The following DMXL1 variants were observed in gnomAD, a reference collection of about 807,000 sequenced individuals.
DMXL1 encodes Dmx like 1.
Under a neutral mutation model 319.2 loss-of-function variants are expected in DMXL1, and 99 were observed. The ratio of observed to expected loss-of-function variants is 0.31; its 90% CI spans 0.26 to 0.37. The LOEUF (loss-of-function observed/expected upper bound fraction) is 0.37, where lower values mean the gene tolerates loss of function less well. Ranked by LOEUF, DMXL1 falls within the 10% of genes least tolerant of loss-of-function variation. DMXL1 has a pLI of 1.00. For synonymous variants in DMXL1, 1,385 were observed against 1,235.2 expected (o/e 1.12, Z -2.54); for missense variants, 3,745 against 3,595.6 (o/e 1.04, Z -1.06).
intron 19 of DMXL1, among the ~76,000 whole-genome samples, 179 bp downstream of exon 19, chr5:119,152,215 T>G (rs1335127482): frequency 6.6e-6 from 1 of 152,204 alleles, no homozygotes; most frequent in Non-Finnish European, 1.5e-5. Context: ...ACATTGGAAT[T>G]TTTAATGGTA....
In DMXL1 at chr5:119,121,040, C is replaced by A. The variant is rs750686759; in HGVS notation, c.1003C>A (p.Pro335Thr). ...LALVAHTGYL[P>T]HQQDPHHVHR... Reference sequence around the variant, plus strand: ...TCTTGTAGCACATACGGGATATCTACCACATCAGCAGGATCCTCATCATGT... The same window carrying A: ...TCTTGTAGCACATACGGGATATCTAACACATCAGCAGGATCCTCATCATGT... Residue 335 changes from proline to threonine, a missense_variant, in exon 9 of 44, where the codon CCA (proline) becomes ACA (threonine). Coordinates refer to ENST00000539542, the MANE Select transcript of DMXL1 (RefSeq NM_001290321.3). The A allele has an allele frequency of 6.2e-7, 1 of 1,613,772 alleles. No individual in the cohort carries two copies. The highest frequency in any genetic ancestry group is 1.1e-5 in the South Asian group (1 of 91,008).
intron 1 of DMXL1, among the ~76,000 whole-genome samples, chr5:119,091,914 T>A (rs907243169): frequency 2.6e-5 from 4 of 152,216 alleles, no homozygotes; most frequent in Non-Finnish European, 4.4e-5. Context: ...GCCCTCTTTG[T>A]TTCTCCCTGT....
chr5:119,088,163 A>G (rs1753794555), intron 1 of DMXL1, among the ~76,000 whole-genome samples: 1 of 152,154 alleles, frequency 6.6e-6, no homozygotes, highest in South Asian at 2.1e-4. Flanking sequence ...ATAATTGTTT[A>G]TACTATTTCT....
rs1324937388 is a variant in DMXL1, at chr5:119,189,854, G to C, written c.7282G>C (p.Glu2428Gln). Residue 2428 changes from glutamate (E) to glutamine (Q), a missense_variant, in exon 29 of 44, where the codon GAG (glutamate) becomes CAG (glutamine). Coordinates refer to ENST00000539542, the MANE Select transcript of DMXL1 (RefSeq NM_001290321.3). ...LAVKEKFIPP[E>Q]LSIWDYFIAK... Reference sequence around the variant, plus strand: ...GGTTAAAGAAAAGTTCATCCCACCTGAGCTCAGTATCTGGGACTATTTCAT... The same window carrying C: ...GGTTAAAGAAAAGTTCATCCCACCTCAGCTCAGTATCTGGGACTATTTCAT... 6.2e-7 allele frequency: 1 copy of C among 1,613,950 alleles called. No individual in the cohort carries two copies. Among genetic ancestry groups the C allele is most frequent in the Admixed American group, 1.7e-5 (1 of 60,010 alleles).
intron 13 of DMXL1, among the ~76,000 whole-genome samples, chr5:119,137,328 C>G (rs1443963310): frequency 6.6e-6 from 1 of 152,308 alleles, no homozygotes; most frequent in Non-Finnish European, 1.5e-5. Flanking sequence ...AACCAACTTG[C>G]TTTTGATTTT....
chr5:119,216,094 C>CAAAAAAAAA, intron 34 of DMXL1, among the ~76,000 whole-genome samples: 1 of 37,360 alleles, frequency 2.7e-5, no homozygotes, highest in Non-Finnish European at 4.7e-5. Context: ...GCATCCATCT[C>CAAAAAAAAA]AAAAAAAAAA....
chr5:119,220,010 C>CTTTTTTTTT (rs5870841), intron 35 of DMXL1, among the ~76,000 whole-genome samples: 1 of 140,102 alleles, frequency 7.1e-6, no homozygotes. Context: ...TTTCCCACTT[C>CTTTTTTTTT]TTTTTTTTTT....
At chr5:119,218,344 G>C (rs1220908651) in intron 35 of DMXL1, among the ~76,000 whole-genome samples, 1 of 152,088 alleles carries the variant, frequency 6.6e-6, no homozygotes, top group Non-Finnish European at 1.5e-5. Flanking sequence ...GTAATGAATA[G>C]CTATTCACAT....
intron 5 of DMXL1, among the ~76,000 whole-genome samples, chr5:119,111,494 T>C (rs1413587287): frequency 6.6e-6 from 1 of 152,210 alleles, no homozygotes; most frequent in Non-Finnish European, 1.5e-5. Context: ...AATTTAAAAT[T>C]ACATATTTGG....
chr5:119,241,048 G>T (rs1788686767), intron 42 of DMXL1, among the ~76,000 whole-genome samples: 1 of 151,896 alleles, frequency 6.6e-6, no homozygotes, highest in East Asian at 1.9e-4. Context: ...ATTCCCCCCA[G>T]AATTTAACTA....
At chr5:119,207,394 A>T (rs1264337347) in intron 34 of DMXL1, among the ~76,000 whole-genome samples, 1 of 152,220 alleles carries the variant, frequency 6.6e-6, no homozygotes, top group African/African-American at 2.4e-5. Flanking sequence ...GCATGTAGCA[A>T]AGTGCCTTAA....
At chr5:119,109,422 C>G (rs2149840781) in intron 4 of DMXL1, among the ~76,000 whole-genome samples, 1 of 152,244 alleles carries the variant, frequency 6.6e-6, no homozygotes, top group African/African-American at 2.4e-5. Context: ...TAACAACTCC[C>G]CCACAATCCC....
chr5:119,173,776 G>GTGTATATATATATATATATA lies in DMXL1; in HGVS notation c.6682-1484_6682-1483insGTATATATATATATATATAT. On this transcript the variant is annotated intron_variant, in intron 25 of 43. Coordinates refer to ENST00000539542, the MANE Select transcript of DMXL1 (RefSeq NM_001290321.3). ...TGTGTATATATATATATGTGTGTGT[G>GTGTATATATATATATATATA]TATATATATATATATATATATAATG... 2.4e-3 allele frequency among the ~76,000 whole-genome samples: 162 copies of GTGTATATATATATATATATA among 67,164 alleles called. 6 individuals carry two copies. Among genetic ancestry groups the GTGTATATATATATATATATA allele is most frequent in the African/African-American group, 5.6e-3 (101 of 18,010 alleles). The allele number at this position is 67,164 out of a possible 152,430, so 44.1% of individuals were successfully genotyped here.
chr5:119,130,065 A>T (rs913485875), intron 10 of DMXL1, among the ~76,000 whole-genome samples: 2 of 151,418 alleles, frequency 1.3e-5, no homozygotes, highest in African/African-American at 4.8e-5. Flanking sequence ...TCTCTGTGAC[A>T]GTCTGTGGTT....
chr5:119,223,976 A>T (rs1023526378), intron 37 of DMXL1, among the ~76,000 whole-genome samples: 1 of 152,138 alleles, frequency 6.6e-6, no homozygotes, highest in African/African-American at 2.4e-5. Context: ...AAAAAATATC[A>T]TTATGACCAG....
chr5:119,135,267 T>G (rs1765751346), intron 13 of DMXL1, among the ~76,000 whole-genome samples: 1 of 152,110 alleles, frequency 6.6e-6, no homozygotes, highest in African/African-American at 2.4e-5. Context: ...AGAGCTTATA[T>G]TCGGGTGAAG....
chr5:119,133,447 T>A, intron 11 of DMXL1, 47 bp from the exon 12 acceptor site: 1 of 1,576,652 alleles, frequency 6.3e-7, no homozygotes, highest in Non-Finnish European at 8.6e-7. Context: ...TTCTAATACC[T>A]CTTTATATAA....
intron 28 of DMXL1, among the ~76,000 whole-genome samples, chr5:119,179,735 G>C (rs1248428019): frequency 2.6e-5 from 4 of 152,230 alleles, no homozygotes; most frequent in Admixed American, 6.5e-5. Context: ...TGATGGCCTA[G>C]CTTCTACTTC....
Position 119,166,641 on chromosome 5 carries a change from C to G in DMXL1, c.4996C>G (p.Gln1666Glu). 1 of 1,608,924 alleles carries G rather than the reference C, an allele frequency of 6.2e-7. No individual in the cohort carries two copies. Among genetic ancestry groups the G allele is most frequent in the Non-Finnish European group, 8.5e-7 (1 of 1,178,356 alleles). ...YRAEKNTRMT[Q>E]FFGHNFEDER... The stretch of plus-strand genomic sequence containing the variant: ...AGCTGAAAAAAACACCAGGATGACA[C>G]AGTTTTTTGGACACAATTTTGAGGA... The change falls in exon 22 of 44, where the codon CAG becomes GAG. Residue 1666 changes from glutamine (Q) to glutamate (E), a missense_variant. Coordinates refer to ENST00000539542, the MANE Select transcript of DMXL1 (RefSeq NM_001290321.3).
Sources: allele counts gnomAD v4.1 joint callset (sites outside exome capture counted in the v4.1 genomes callset), GRCh38; gene constraint gnomAD v4.1.1; transcripts MANE v1.5; gene names NCBI Gene and HGNC (gene_info 2026-07-23, HGNC 2026-07-21).